RIPPLY1: variants seen among roughly 807,000 people sequenced by gnomAD.
RIPPLY1 encodes the protein protein ripply1.
Under a neutral mutation model 8.7 loss-of-function variants are expected in RIPPLY1, and 10 were observed. That is an observed-to-expected ratio of 1.15 (90% CI 0.71 to 1.94). The LOEUF (loss-of-function observed/expected upper bound fraction) is 1.94. RIPPLY1 is among the 30% of genes most tolerant of loss of function. The probability of loss-of-function intolerance (pLI) is 0.00; values close to 1 mark genes in which losing one functional copy is unlikely to be tolerated. For missense variants in RIPPLY1, 118 were observed against 108.7 expected, an observed-to-expected ratio of 1.09 and a Z score of -0.38; for synonymous variants, 54 against 44.8, an observed-to-expected ratio of 1.20 and a Z score of -0.82.
chrX:106,902,118 C>G (rs180724711), intron 2 of RIPPLY1, 22 bp downstream of exon 2: 1 of 1,171,506 alleles, frequency 8.5e-7, no homozygotes, highest in Non-Finnish European at 1.2e-6. Context: ...TGTGAACACA[C>G]GTCACAAGGG....
chrX:106,900,537 C>A lies in RIPPLY1; in HGVS notation c.*212G>T. Reference sequence around the variant, plus strand: ...AGGGTGAGCTGGGCAGCTAGATGACCCAATTTTCAGTCCAGAAAGCTCTAT... The same window carrying A: ...AGGGTGAGCTGGGCAGCTAGATGACACAATTTTCAGTCCAGAAAGCTCTAT... On this transcript the variant is annotated 3_prime_UTR_variant, in exon 4 of 4. Coordinates refer to ENST00000276173, the MANE Select transcript of RIPPLY1 (RefSeq NM_138382.3). The A allele has an allele frequency of 1.6e-6, 1 of 626,334 alleles. No homozygotes were observed. Among genetic ancestry groups the A allele is most frequent in the Non-Finnish European group, 2.3e-6 (1 of 443,963 alleles). 51.6% of individuals were successfully genotyped at this position (626,334 alleles called of 1,213,427 possible). A position where few individuals can be genotyped will look rare whatever the true frequency, so the allele number is the denominator to read the frequency against.
chrX:106,901,034 GAAGA>G, intron 3 of RIPPLY1, 126 bp from the exon 4 acceptor site: 3 of 1,049,467 alleles, frequency 2.9e-6, no homozygotes, highest in Non-Finnish European at 3.7e-6. Context: ...AGAGGGAAAG[GAAGA>G]AAGAAAGTTT....
At chrX:106,901,437 T>A (rs780349565) in intron 3 of RIPPLY1, 37 bp downstream of exon 3, 1 of 1,166,329 alleles carries the variant, frequency 8.6e-7, no homozygotes, top group Non-Finnish European at 1.2e-6. Context: ...AGCTAATGGA[T>A]CTATGTCAAG....
chrX:106,901,521 C>T lies in RIPPLY1; in HGVS notation c.249G>A (p.Thr83=), dbSNP rs190216177. The part of the protein sequence containing the change: ...KLVDLAAGGA[T]AAEVTKAESK... The stretch of plus-strand genomic sequence containing the variant: ...ATTCAGCCTTGGTGACCTCAGCAGC[C>T]GTTGCCCCACCAGCAGCCTGTCCAA... The change falls in exon 3 of 4, where the codon ACG becomes ACA. Residue 83 remains threonine (T), a synonymous_variant. Transcript: ENST00000276173. 6.7e-4 allele frequency: 810 copies of T among 1,209,682 alleles called. 6 individuals are homozygous for T. In the African/African-American group the frequency reaches 0.01, roughly 16 times the overall value.
Position 106,900,853 on chromosome X carries a change from A to G in RIPPLY1, c.352T>C (p.Leu118=), listed in dbSNP as rs1307097042. 1 of 1,211,477 alleles carries G rather than the reference A, an allele frequency of 8.3e-7. No individual in the cohort carries two copies. Among genetic ancestry groups the G allele is most frequent in the African/African-American group, 1.7e-5 (1 of 57,736 alleles). Residue 118 remains leucine (L), a synonymous_variant, in exon 4 of 4, where the codon TTA becomes CTA. Transcript: ENST00000276173. ...FDYLYSAGEI[L]LQNFPVQATI... ...GCCTGGACAGGAAAGTTCTGCAGTAAAATCTCCCCAGCACTGTACAGATAG... is the reference window on the plus strand; with the variant it reads ...GCCTGGACAGGAAAGTTCTGCAGTAGAATCTCCCCAGCACTGTACAGATAG...
At chrX:106,901,242 A>G (rs1336885315) in intron 3 of RIPPLY1, among the ~76,000 whole-genome samples, 1 of 111,967 alleles carries the variant, frequency 8.9e-6, no homozygotes, top group Non-Finnish European at 1.9e-5. Context: ...TCCACTGAGG[A>G]TTATTTCACT....
intron 3 of RIPPLY1, 149 bp from the exon 4 acceptor site, chrX:106,901,057 A>T (rs763689003): frequency 4.8e-5 from 47 of 980,379 alleles, no homozygotes; most frequent in Non-Finnish European, 6.0e-5. Flanking sequence ...TTTGTAACAG[A>T]ACCTTCTGCA....
At chrX:106,900,932 C>T (rs1366233533) in intron 3 of RIPPLY1, 24 bp from the exon 4 acceptor site, 8 of 1,199,434 alleles carry the variant, frequency 6.7e-6, no homozygotes, top group African/African-American at 1.8e-5. Context: ...AGAAACATGG[C>T]CCCTAACAGG....
At position 106,900,794 on chromosome X, in the gene RIPPLY1, T is replaced by C; in HGVS notation, c.411A>G (p.Glu137=). 8.3e-7 allele frequency: 1 copy of C among 1,211,423 alleles called. No homozygotes were observed. Among genetic ancestry groups the C allele is most frequent in the Non-Finnish European group, 1.1e-6 (1 of 895,267 alleles). Residue 137 remains glutamate (E), a synonymous_variant, in exon 4 of 4, where the codon GAA becomes GAG. Coordinates refer to ENST00000276173, the MANE Select transcript of RIPPLY1 (RefSeq NM_138382.3). The part of the protein sequence containing the change: ...TINLYEDSDS[E]EEEEDEEQED... ...CCTGCTCTTCATCTTCCTCTTCTTCTTCGCTGTCTGAGTCCTCGTATAGGT... is the reference window on the plus strand; with the variant it reads ...CCTGCTCTTCATCTTCCTCTTCTTCCTCGCTGTCTGAGTCCTCGTATAGGT...
At chrX:106,902,051 C>T in intron 2 of RIPPLY1, 89 bp downstream of exon 2, 1 of 757,766 alleles carries the variant, frequency 1.3e-6, no homozygotes, top group Non-Finnish European at 2.0e-6. Flanking sequence ...CACCTTTGGA[C>T]TGAGGTCAGG....
chrX:106,901,027 G>T, intron 3 of RIPPLY1, 119 bp from the exon 4 acceptor site: 2 of 1,057,433 alleles, frequency 1.9e-6, no homozygotes, highest in Middle Eastern at 3.4e-4. Flanking sequence ...TGAGGTCAGA[G>T]GGAAAGGAAG....
Position 106,903,194 on chromosome X carries a change from G to C in RIPPLY1, c.94C>G (p.Pro32Ala), listed in dbSNP as rs375592382. The change falls in exon 1 of 4, where the codon CCT becomes GCT. Residue 32 changes from proline (P) to alanine (A), a missense_variant. By Grantham distance (27) the Pro-to-Ala change is conservative (BLOSUM62 -1). Coordinates refer to ENST00000276173, the MANE Select transcript of RIPPLY1 (RefSeq NM_138382.3). Reference sequence around the variant, plus strand: ...AGGCAAGATGGGCTTAACAGGCCAGGGAGTGCCAGTGGGGCTTGTGCTAGG... The same window carrying C: ...AGGCAAGATGGGCTTAACAGGCCAGCGAGTGCCAGTGGGGCTTGTGCTAGG... ...PDLAQAPLAL[P>A]GLLSPSCLLS... 4 of 1,209,733 alleles carry C rather than the reference G, an allele frequency of 3.3e-6. No individual in the cohort carries two copies. In the African/African-American group the frequency reaches 7.0e-5, roughly 21 times the overall value.
At chrX:106,901,016 A>G (rs1933084554) in intron 3 of RIPPLY1, 108 bp from the exon 4 acceptor site, 1 of 1,083,905 alleles carries the variant, frequency 9.2e-7, no homozygotes, top group Non-Finnish European at 1.2e-6. Context: ...GGCTGCAACA[A>G]TGAGGTCAGA....
chrX:106,901,132 G>T (rs1933086959), intron 3 of RIPPLY1, among the ~76,000 whole-genome samples: 1 of 112,076 alleles, frequency 8.9e-6, no homozygotes. Context: ...TGGGTCGGGG[G>T]CCAGCCCCAG....
At position 106,900,704 on chromosome X, in the gene RIPPLY1, C is replaced by A. The variant is rs1373731390; in HGVS notation, c.*45G>T. On this transcript the variant is annotated 3_prime_UTR_variant, in exon 4 of 4. Coordinates refer to ENST00000276173, the MANE Select transcript of RIPPLY1 (RefSeq NM_138382.3). ...GAGCTGTGGCGCTGTAGGGTATGGA[C>A]CCTGGTACCCTCACACACCCTTCTG... is the stretch of plus-strand genomic sequence containing the variant. 15 of 1,169,820 alleles carry A rather than the reference C, an allele frequency of 1.3e-5. No homozygotes were observed. Among genetic ancestry groups the A allele is most frequent in the Non-Finnish European group, 1.7e-5 (15 of 874,862 alleles).
intron 3 of RIPPLY1, 101 bp from the exon 4 acceptor site, chrX:106,901,009 T>C: frequency 9.1e-7 from 1 of 1,097,256 alleles, no homozygotes; most frequent in Non-Finnish European, 1.2e-6. Context: ...TTCTCTTGGC[T>C]GCAACAATGA....
At chrX:106,902,732 C>T (rs746164619) in intron 1 of RIPPLY1, among the ~76,000 whole-genome samples, 6 of 112,055 alleles carry the variant, frequency 5.4e-5, no homozygotes, top group Admixed American at 2.8e-4. Flanking sequence ...AATCTTATGG[C>T]GTGGTCAGGA....
At chrX:106,902,884 A>G (rs1381636973) in intron 1 of RIPPLY1, among the ~76,000 whole-genome samples, 2 of 112,294 alleles carry the variant, frequency 1.8e-5, no homozygotes, top group Middle Eastern at 4.2e-3. Context: ...CACCTGGCCT[A>G]TGAGGACCTG....
In RIPPLY1 at chrX:106,900,470, G is replaced by A. The variant is rs952080520; in HGVS notation, c.*279C>T. 21 of 283,783 alleles carry A rather than the reference G, an allele frequency of 7.4e-5. No individual in the cohort carries two copies. Among genetic ancestry groups the A allele is most frequent in the Middle Eastern group, 1.0e-3 (1 of 983 alleles). 23.4% of individuals were successfully genotyped at this position (283,783 alleles called of 1,213,427 possible). ...TCAACACAACAGCAGCCCAGACAAT[G>A]AGATGCAAGAGGCCTGAGCTCACAG... is the stretch of plus-strand genomic sequence containing the variant. On this transcript the variant is annotated 3_prime_UTR_variant, in exon 4 of 4. Coordinates refer to ENST00000276173, the MANE Select transcript of RIPPLY1 (RefSeq NM_138382.3).
Sources: gnomAD v4.1 joint callset for allele counts (sites outside exome capture counted in the v4.1 genomes callset) on GRCh38, gnomAD v4.1.1 for gene constraint, MANE v1.5 for transcripts, NCBI Gene and HGNC (gene_info 2026-07-23, HGNC 2026-07-21) for gene names.